TMEM87B: variants seen among roughly 807,000 people sequenced by gnomAD.
TMEM87B encodes the protein transmembrane protein 87B.
Under a neutral mutation model 80.3 loss-of-function variants are expected in TMEM87B, and 83 were observed. The ratio of observed to expected loss-of-function variants is 1.03; its 90% CI spans 0.87 to 1.24. TMEM87B has a LOEUF of 1.24. TMEM87B is among the 50% of genes most tolerant of loss of function. The pLI, the probability that TMEM87B is intolerant of heterozygous loss-of-function variation, is 0.00. For missense variants in TMEM87B, 625 were observed against 674.4 expected, an observed-to-expected ratio of 0.93 and a Z score of 0.81; for synonymous variants, 219 against 230.5, an observed-to-expected ratio of 0.95 and a Z score of 0.45.
chr2:112,072,536 A>T (rs1029388255), intron 4 of TMEM87B, among the ~76,000 whole-genome samples: 1 of 151,824 alleles, frequency 6.6e-6, no homozygotes, highest in Non-Finnish European at 1.5e-5. Flanking sequence ...ATTTATTCTA[A>T]ATTTTCTAGT....
chr2:112,106,327 A>G (rs973821632), intron 16 of TMEM87B, among the ~76,000 whole-genome samples: 2 of 152,128 alleles, frequency 1.3e-5, no homozygotes, highest in Admixed American at 1.3e-4. Context: ...TCATCTGGGA[A>G]CTTGTTAGAG....
At chr2:112,110,979 G>A (rs996339131) in intron 17 of TMEM87B, among the ~76,000 whole-genome samples, 1 of 151,978 alleles carries the variant, frequency 6.6e-6, no homozygotes, top group African/African-American at 2.4e-5. Flanking sequence ...TTTTGTCTAC[G>A]GTTGTCTGAG....
chr2:112,108,559 T>C (rs1679833741), intron 17 of TMEM87B, among the ~76,000 whole-genome samples: 2 of 152,090 alleles, frequency 1.3e-5, no homozygotes, highest in Admixed American at 1.3e-4. Flanking sequence ...TTTGTTGACC[T>C]TTTTTTTCTT....
At chr2:112,111,149 T>C (rs1235784674) in intron 17 of TMEM87B, among the ~76,000 whole-genome samples, 1 of 152,250 alleles carries the variant, frequency 6.6e-6, no homozygotes, top group African/African-American at 2.4e-5. Flanking sequence ...TTTTTGGTAA[T>C]GCTGAAGGCA....
chr2:112,083,727 C>G (rs1461350378), intron 8 of TMEM87B, among the ~76,000 whole-genome samples: 2 of 152,150 alleles, frequency 1.3e-5, no homozygotes, highest in Non-Finnish European at 2.9e-5. Context: ...TGAATGGTGT[C>G]TCTCTCAGAT....
chr2:112,077,873 T>C (rs962037246), intron 6 of TMEM87B, among the ~76,000 whole-genome samples: 6 of 152,224 alleles, frequency 3.9e-5, no homozygotes, highest in African/African-American at 1.4e-4. Context: ...TGCTTTCCCA[T>C]ATTCTAGAAT....
At chr2:112,072,046 G>T (rs1678655647) in intron 4 of TMEM87B, among the ~76,000 whole-genome samples, 1 of 152,112 alleles carries the variant, frequency 6.6e-6, no homozygotes, top group African/African-American at 2.4e-5. Flanking sequence ...TGATCATGTG[G>T]TTTCTGTCTT....
intron 1 of TMEM87B, among the ~76,000 whole-genome samples, chr2:112,056,577 G>A (rs2104448847): frequency 6.6e-6 from 1 of 152,306 alleles, no homozygotes; most frequent in South Asian, 2.1e-4. Context: ...CTTCTCTGGG[G>A]TCAGATGACT....
In TMEM87B at chr2:112,116,122, C is replaced by G. The variant is rs150860328; in HGVS notation, c.1647C>G (p.Phe549Leu). The G allele has an allele frequency of 7.4e-5, 119 of 1,612,392 alleles. No homozygotes were observed. The African/African-American group carries it at 1.4e-3, about 19-fold the overall frequency. ...MTRSEMAEKM[F>L]SSEKIM ...GATCTGAAATGGCTGAAAAAATGTT[C>G]TCTTCAGAAAAGATAATGTGATTGG... The change falls in exon 19 of 19, where the codon TTC becomes TTG. Residue 549 changes from phenylalanine (F) to leucine (L), a missense_variant. Coordinates refer to ENST00000283206, the MANE Select transcript of TMEM87B (RefSeq NM_032824.3).
Position 112,059,836 on chromosome 2 carries a change from G to A in TMEM87B, c.166-141G>A, listed in dbSNP as rs754006667. The stretch of plus-strand genomic sequence containing the variant: ...CCATGACAAGGTTTTAAGCAAGTTA[G>A]TGATGTGATCAGATTTACGTTAAAA... On this transcript the variant is annotated intron_variant, in intron 1 of 18. Coordinates refer to ENST00000283206, the MANE Select transcript of TMEM87B (RefSeq NM_032824.3). The A allele has an allele frequency of 3.9e-5, 44 of 1,138,198 alleles. 2 individuals carry two copies. In the South Asian group the frequency reaches 7.7e-4, roughly 20 times the overall value. 70.5% of individuals were successfully genotyped at this position (1,138,198 alleles called of 1,614,324 possible). A position where few individuals can be genotyped will look rare whatever the true frequency, so the allele number is the denominator to read the frequency against.
chr2:112,072,426 G>A (rs1486012972), intron 4 of TMEM87B, among the ~76,000 whole-genome samples: 1 of 152,026 alleles, frequency 6.6e-6, no homozygotes, highest in Non-Finnish European at 1.5e-5. Context: ...TTTTTGGTTG[G>A]TAGGCTATTT....
At chr2:112,105,632 C>T (rs992313768) in intron 15 of TMEM87B, among the ~76,000 whole-genome samples, 2 of 152,194 alleles carry the variant, frequency 1.3e-5, no homozygotes, top group Non-Finnish European at 2.9e-5. Context: ...GGATGTAAAG[C>T]ATACCCAAAG....
intron 18 of TMEM87B, 93 bp from the exon 19 acceptor site, chr2:112,115,991 C>G (rs540926786): frequency 2.2e-6 from 2 of 897,842 alleles, no homozygotes; most frequent in Non-Finnish European, 3.5e-6. Flanking sequence ...TTTAGTTTCC[C>G]TAAATGTGGC....
At chr2:112,104,584 G>A (rs1182143014) in intron 15 of TMEM87B, among the ~76,000 whole-genome samples, 1 of 152,172 alleles carries the variant, frequency 6.6e-6, no homozygotes, top group Non-Finnish European at 1.5e-5. Context: ...TATTGGAGAG[G>A]ATGTGGAACA....
At chr2:112,100,373 A>T (rs1023950006) in intron 14 of TMEM87B, among the ~76,000 whole-genome samples, 1 of 152,228 alleles carries the variant, frequency 6.6e-6, no homozygotes, top group African/African-American at 2.4e-5. Context: ...AACATTAAAT[A>T]TTGCAAAATT....
chr2:112,071,623 T>C (rs1678640348), intron 4 of TMEM87B, among the ~76,000 whole-genome samples: 1 of 152,112 alleles, frequency 6.6e-6, no homozygotes, highest in South Asian at 2.1e-4. Context: ...GATCTTTATA[T>C]ATTGATTTTG....
chr2:112,106,103 C>G, intron 16 of TMEM87B, 28 bp downstream of exon 16: 2 of 1,327,896 alleles, frequency 1.5e-6, no homozygotes, highest in Non-Finnish European at 2.0e-6. Flanking sequence ...TTAGTACAAT[C>G]TTAGTCTTCC....
chr2:112,102,961 A>G (rs1679669956), intron 15 of TMEM87B, among the ~76,000 whole-genome samples: 1 of 152,210 alleles, frequency 6.6e-6, no homozygotes, highest in South Asian at 2.1e-4. Flanking sequence ...GCAGAGAAGC[A>G]AAACAAAACT....
chr2:112,088,077 C>T (rs1679199794), intron 9 of TMEM87B, among the ~76,000 whole-genome samples: 1 of 152,336 alleles, frequency 6.6e-6, no homozygotes, highest in African/African-American at 2.4e-5. Flanking sequence ...CCTAGGCTCT[C>T]CTCCTGTGTG....
Sources: allele counts gnomAD v4.1 joint callset (sites outside exome capture counted in the v4.1 genomes callset), GRCh38; gene constraint gnomAD v4.1.1; transcripts MANE v1.5; gene names NCBI Gene and HGNC (gene_info 2026-07-23, HGNC 2026-07-21).